Variants in CAMKMT observed in about 807,000 individuals in gnomAD.
CAMKMT encodes the protein CaM KMT.
A neutral mutation model predicts 48.0 loss-of-function variants in CAMKMT; 53 were observed. The ratio of observed to expected loss-of-function variants is 1.10; its 90% CI spans 0.89 to 1.39. The LOEUF (loss-of-function observed/expected upper bound fraction) is 1.39. Ranked by LOEUF, CAMKMT falls within the 40% of genes most tolerant of loss-of-function variation. CAMKMT has a pLI of 0.00. For missense variants in CAMKMT, 428 were observed against 402.7 expected (o/e 1.06, Z -0.54); for synonymous variants, 165 against 152.3 (o/e 1.08, Z -0.61).
intron 1 of CAMKMT, among the ~76,000 whole-genome samples, chr2:44,363,970 A>G (rs1446900718): frequency 1.4e-5 from 2 of 148,088 alleles, no homozygotes; most frequent in Non-Finnish European, 3.0e-5. Flanking sequence ...GATTACAGGT[A>G]TCAGCCACCA....
At chr2:44,454,505 G>C (rs1667456906) in intron 3 of CAMKMT, among the ~76,000 whole-genome samples, 1 of 152,074 alleles carries the variant, frequency 6.6e-6, no homozygotes, top group Non-Finnish European at 1.5e-5. Context: ...TTGTTCATGG[G>C]TCTTCATTAC....
chr2:44,642,673 G>T (rs1261790493), intron 3 of CAMKMT, among the ~76,000 whole-genome samples: 1 of 152,084 alleles, frequency 6.6e-6, no homozygotes, highest in Non-Finnish European at 1.5e-5. Context: ...TGGCTGGGGT[G>T]TTGGCAAGCC....
At chr2:44,500,724 C>G (rs1407818629) in intron 3 of CAMKMT, among the ~76,000 whole-genome samples, 1 of 150,630 alleles carries the variant, frequency 6.6e-6, no homozygotes, top group African/African-American at 2.4e-5. Context: ...CTCTGTTGCC[C>G]AGGCTGGAGT....
intron 3 of CAMKMT, among the ~76,000 whole-genome samples, chr2:44,659,583 A>G (rs1354115806): frequency 6.6e-6 from 1 of 151,766 alleles, no homozygotes; most frequent in South Asian, 2.1e-4. Flanking sequence ...AAAAAAAAGA[A>G]AAATTAGATG....
intron 3 of CAMKMT, among the ~76,000 whole-genome samples, chr2:44,434,920 G>C (rs938215458): frequency 5.9e-5 from 9 of 152,098 alleles, no homozygotes; most frequent in African/African-American, 2.2e-4. Context: ...ACAATTTGAG[G>C]TCAAGTCAAT....
At chr2:44,695,267 C>T (rs1158787538) in intron 3 of CAMKMT, among the ~76,000 whole-genome samples, 1 of 152,068 alleles carries the variant, frequency 6.6e-6, no homozygotes, top group African/African-American at 2.4e-5. Context: ...TATTTCATCA[C>T]CCAGTTAATA....
chr2:44,556,965 G>T (rs938332866), intron 3 of CAMKMT, among the ~76,000 whole-genome samples: 2 of 152,044 alleles, frequency 1.3e-5, no homozygotes, highest in African/African-American at 4.8e-5. Flanking sequence ...TTTATTTCAG[G>T]GAGAAAATGC....
At chr2:44,537,935 C>T (rs1666871602) in intron 3 of CAMKMT, among the ~76,000 whole-genome samples, 1 of 152,122 alleles carries the variant, frequency 6.6e-6, no homozygotes, top group African/African-American at 2.4e-5. Flanking sequence ...CCATTCAATC[C>T]AGCAGTCCCA....
chr2:44,566,247 C>T (rs1416307183), intron 3 of CAMKMT, among the ~76,000 whole-genome samples: 1 of 152,096 alleles, frequency 6.6e-6, no homozygotes, highest in Non-Finnish European at 1.5e-5. Flanking sequence ...AGTTATCCTC[C>T]TAGCATGATG....
In CAMKMT at chr2:44,372,907, A is replaced by G. The variant is rs753477304; in HGVS notation, c.311+19A>G. The G allele has an allele frequency of 3.2e-6, 5 of 1,583,466 alleles. No individual in the cohort carries two copies. The Admixed American group carries it at 9.3e-5, about 29-fold the overall frequency. On this transcript the variant is annotated intron_variant, in intron 2 of 10. Transcript: ENST00000378494. ...CCTTAAGGTAACCATTATTCTAGTTAAGATTTTGTAAACACTAGATTTCTC... is the reference window on the plus strand; with the variant it reads ...CCTTAAGGTAACCATTATTCTAGTTGAGATTTTGTAAACACTAGATTTCTC...
At chr2:44,494,282 C>T (rs1669651199) in intron 3 of CAMKMT, among the ~76,000 whole-genome samples, 2 of 152,162 alleles carry the variant, frequency 1.3e-5, no homozygotes, top group Admixed American at 6.5e-5. Context: ...ATGGAAATGT[C>T]AACTCTTGTT....
chr2:44,466,876 C>CAATT (rs1386994065), intron 3 of CAMKMT, among the ~76,000 whole-genome samples: 1 of 152,114 alleles, frequency 6.6e-6, no homozygotes, highest in Non-Finnish European at 1.5e-5. Flanking sequence ...CTACTATGAA[C>CAATT]AATTACACAG....
chr2:44,543,323 C>A (rs1454104553), intron 3 of CAMKMT, among the ~76,000 whole-genome samples: 3 of 152,084 alleles, frequency 2.0e-5, no homozygotes, highest in Non-Finnish European at 2.9e-5. Flanking sequence ...TAGCCACCAG[C>A]ACAAATGAAA....
rs1317309783 is a variant in CAMKMT, at chr2:44,629,438, T to C, written c.377-74845T>C. Among the ~76,000 whole-genome samples, 1,329 of 146,456 alleles carry C rather than the reference T, an allele frequency of 9.1e-3. 9 individuals carry two copies. Among genetic ancestry groups the C allele is most frequent in the African/African-American group, 0.028 (1,118 of 39,782 alleles). ...ATGCATTTCTTTCTTTCTTTCTTTTTTTTTTTTTTTTTTTTGAGACAGGGT... is the reference window on the plus strand; with the variant it reads ...ATGCATTTCTTTCTTTCTTTCTTTTCTTTTTTTTTTTTTTTGAGACAGGGT... On this transcript the variant is annotated intron_variant, in intron 3 of 10. Coordinates refer to ENST00000378494, the MANE Select transcript of CAMKMT (RefSeq NM_024766.5).
chr2:44,393,941 A>T (rs2104424314), intron 3 of CAMKMT, among the ~76,000 whole-genome samples: 1 of 152,314 alleles, frequency 6.6e-6, no homozygotes, highest in South Asian at 2.1e-4. Flanking sequence ...TTAAAAATGT[A>T]ATTCTCAGTG....
chr2:44,372,740 G>T lies in CAMKMT; in HGVS notation c.163G>T (p.Asp55Tyr). The T allele has an allele frequency of 1.2e-6, 2 of 1,613,200 alleles. No homozygotes were observed. Among genetic ancestry groups the T allele is most frequent in the Non-Finnish European group, 8.5e-7 (1 of 1,179,732 alleles). ...RQVLKQKHLD[D>Y]CLRHVSVRRF... ...GGTTCTGAAGCAAAAACACCTGGAT[G>T]ATTGCCTGCGACATGTATCTGTAAG... The change falls in exon 2 of 11, where the codon GAT (aspartate) becomes TAT (tyrosine). Residue 55 changes from aspartate to tyrosine, a missense_variant. By Grantham distance (160) the Asp-to-Tyr change is radical. Transcript: ENST00000378494.
chr2:44,462,101 TTGAA>T (rs1397181964), intron 3 of CAMKMT, among the ~76,000 whole-genome samples: 9 of 152,210 alleles, frequency 5.9e-5, no homozygotes, highest in African/African-American at 2.2e-4. Flanking sequence ...TATTAAATGA[TTGAA>T]TGAATGGGGC....
intron 3 of CAMKMT, among the ~76,000 whole-genome samples, chr2:44,671,680 T>C (rs761615504): frequency 6.6e-6 from 1 of 152,174 alleles, no homozygotes; most frequent in East Asian, 1.9e-4. Context: ...TTTCAGGGAT[T>C]TTTTTGGTGT....
At chr2:44,527,990 C>G (rs1010001650) in intron 3 of CAMKMT, among the ~76,000 whole-genome samples, 1 of 152,090 alleles carries the variant, frequency 6.6e-6, no homozygotes, top group Non-Finnish European at 1.5e-5. Flanking sequence ...TCCTAAAAAT[C>G]TTCTGTGCTT....
Sources: allele counts gnomAD v4.1 joint callset (sites outside exome capture counted in the v4.1 genomes callset), GRCh38; gene constraint gnomAD v4.1.1; transcripts MANE v1.5; gene names NCBI Gene and HGNC (gene_info 2026-07-23, HGNC 2026-07-21).